CCDC9: variants seen among roughly 807,000 people sequenced by gnomAD.
CCDC9 encodes coiled-coil domain containing 9.
In CCDC9, 52 loss-of-function variants were observed where a neutral mutation model predicts 65.6. The ratio of observed to expected loss-of-function variants is 0.79; its 90% CI spans 0.63 to 1.00. CCDC9 has a LOEUF of 1.00. Among genes scored for constraint, CCDC9 ranks in the 50% least tolerant of loss-of-function variants. CCDC9 has a pLI of 0.00. For synonymous variants in CCDC9, 332 were observed against 280.3 expected, an observed-to-expected ratio of 1.18 and a Z score of -1.84; for missense variants, 834 against 757.2, an observed-to-expected ratio of 1.10 and a Z score of -1.19.
At chr19:47,273,501 C>T, downstream of CCDC9, 9 of 578,282 alleles carry the variant, frequency 1.6e-5, no homozygotes, top group Non-Finnish European at 2.0e-5. Flanking sequence ...CTGCACTAAC[C>T]TCCCACCGCC....
At chr19:47,272,212 T>TGGGGCTGA (rs2059128514), downstream of CCDC9, 1 of 1,168,092 alleles carries the variant, frequency 8.6e-7, no homozygotes. Flanking sequence ...CCTCTTTCTC[T>TGGGGCTGA]GGGGCTGAGG....
intron 7 of CCDC9, 147 bp downstream of exon 7, chr19:47,265,093 T>G: frequency 1.6e-6 from 1 of 637,516 alleles, no homozygotes; most frequent in Non-Finnish European, 2.3e-6. Flanking sequence ...ATTCTCGCTC[T>G]GTCACCCATT....
At chr19:47,273,282 G>GGGGGAGGGGTGCT, downstream of CCDC9, 1 of 908,314 alleles carries the variant, frequency 1.1e-6, no homozygotes, top group Non-Finnish European at 1.4e-6. Context: ...GTGGCTAGAC[G>GGGGGAGGGGTGCT]GGGGAGGGGT....
At chr19:47,259,604 G>A (rs2059031966) in intron 3 of CCDC9, among the ~76,000 whole-genome samples, 1 of 152,112 alleles carries the variant, frequency 6.6e-6, no homozygotes, top group African/African-American at 2.4e-5. Context: ...GATGGGATCT[G>A]GGAGGTGGCA....
rs763256073 is a variant in CCDC9, at chr19:47,260,658, G to A, written c.281G>A (p.Arg94Gln). 20 of 1,529,256 alleles carry A rather than the reference G, an allele frequency of 1.3e-5. No individual in the cohort carries two copies. Among genetic ancestry groups the A allele is most frequent in the East Asian group, 6.8e-5 (3 of 44,336 alleles). The allele number at this position is 1,529,256 out of a possible 1,614,324, so 94.7% of individuals were successfully genotyped here. A position where few individuals can be genotyped will look rare whatever the true frequency, so the allele number is the denominator to read the frequency against. The change falls in exon 5 of 12, where the codon CGG (arginine) becomes CAG (glutamine). Residue 94 changes from arginine to glutamine, a missense_variant. Arg to Gln is a conservative substitution (Grantham distance 43). Transcript: ENST00000221922. ...PRPPGASKGG[R>Q]TPPQQGGRAG... ...CCCCCAGGGGCCAGCAAGGGGGGCC[G>A]GACTCCTCCACAGCAGGGAGGCCGG...
At chr19:47,258,198 G>T in intron 1 of CCDC9, 132 bp from the exon 2 acceptor site, 1 of 608,694 alleles carries the variant, frequency 1.6e-6, no homozygotes, top group Non-Finnish European at 2.9e-6. Context: ...TGAAAGGAGG[G>T]AGAGTGAGGG....
intron 5 of CCDC9, among the ~76,000 whole-genome samples, chr19:47,263,081 C>G (rs2059056299): frequency 6.7e-6 from 1 of 149,728 alleles, no homozygotes; most frequent in African/African-American, 2.5e-5. Flanking sequence ...GCCTGGGCAA[C>G]AGAGTAAGAC....
At chr19:47,258,931 C>G (rs1242666602) in intron 3 of CCDC9, among the ~76,000 whole-genome samples, 1 of 152,212 alleles carries the variant, frequency 6.6e-6, no homozygotes, top group Non-Finnish European at 1.5e-5. Flanking sequence ...CCTGCCCCCT[C>G]CAGGGTCCAC....
chr19:47,271,800 C>G lies in CCDC9; in HGVS notation c.*122C>G. On this transcript the variant is annotated 3_prime_UTR_variant, in exon 12 of 12. Coordinates refer to ENST00000221922, the MANE Select transcript of CCDC9 (RefSeq NM_015603.3). Reference sequence around the variant, plus strand: ...TGGTGGGGGACCCTTGGGGCTGGGCCCTGGGACCCAGTGTGCCCCACAGCC... The same window carrying G: ...TGGTGGGGGACCCTTGGGGCTGGGCGCTGGGACCCAGTGTGCCCCACAGCC... 5 of 1,451,512 alleles carry G rather than the reference C, an allele frequency of 3.4e-6. No homozygotes were observed. The highest frequency in any genetic ancestry group is 1.4e-5 in the African/African-American group (1 of 70,372). 89.9% of individuals were successfully genotyped at this position (1,451,512 alleles called of 1,614,324 possible). A position where few individuals can be genotyped will look rare whatever the true frequency, so the allele number is the denominator to read the frequency against.
chr19:47,271,181 C>G lies in CCDC9; in HGVS notation c.1185C>G (p.Pro395=). 6.2e-7 allele frequency: 1 copy of G among 1,602,312 alleles called. No individual in the cohort carries two copies. Among genetic ancestry groups the G allele is most frequent in the Non-Finnish European group, 8.5e-7 (1 of 1,175,158 alleles). The part of the protein sequence containing the change: ...TSPETSPKET[P]MQPPEIPAPA... The stretch of plus-strand genomic sequence containing the variant: ...CCGAGACTTCCCCCAAGGAGACACC[C>G]ATGCAGGTGAGGCTGGGCTGTGGTT... Residue 395 remains proline (P), a synonymous_variant, in exon 11 of 12, where the codon CCC becomes CCG. Transcript: ENST00000221922.
chr19:47,274,802 C>T (rs1307771389), downstream of CCDC9: 7 of 619,866 alleles, frequency 1.1e-5, no homozygotes, highest in African/African-American at 3.0e-4. Context: ...ACCATGCTGG[C>T]GGGGGCGGGG....
At position 47,264,585 on chromosome 19, in the gene CCDC9, C is replaced by T. The variant is rs1347914242; in HGVS notation, c.463-18C>T. 6.3e-7 allele frequency: 1 copy of T among 1,576,286 alleles called. No homozygotes were observed. Among genetic ancestry groups the T allele is most frequent in the African/African-American group, 1.3e-5 (1 of 74,160 alleles). ...TAGTTCTCCCTGAAGCTGGGTGTCCCTATCTTTATCCCCCCAGGAGTGGGA... is the reference window on the plus strand; with the variant it reads ...TAGTTCTCCCTGAAGCTGGGTGTCCTTATCTTTATCCCCCCAGGAGTGGGA... On this transcript the variant is annotated intron_variant, in intron 5 of 11. Transcript: ENST00000221922.
chr19:47,259,397 G>A (rs1264632591), intron 3 of CCDC9, among the ~76,000 whole-genome samples: 1 of 152,120 alleles, frequency 6.6e-6, no homozygotes, highest in Non-Finnish European at 1.5e-5. Flanking sequence ...CTGTGCGGTG[G>A]TGGGTGCGAG....
chr19:47,261,556 T>A (rs977689428), intron 5 of CCDC9, among the ~76,000 whole-genome samples: 4 of 151,584 alleles, frequency 2.6e-5, no homozygotes, highest in African/African-American at 7.3e-5. Context: ...ATAAGAAAAT[T>A]CAAAAATTAG....
chr19:47,270,432 C>T lies in CCDC9; in HGVS notation c.928C>T (p.His310Tyr), dbSNP rs567723154. The T allele has an allele frequency of 5.0e-6, 8 of 1,614,204 alleles. No individual in the cohort carries two copies. In the South Asian group the frequency reaches 6.6e-5, roughly 13 times the overall value. ...GTTCAAGGATGGCCCAGTCCCTGCC[C>T]ATGAACCATCCCACCGCTATGGTGA... Reference protein sequence around the residue: ...GMFKDGPVPAHEPSHRYDDQA... With the variant: ...GMFKDGPVPAYEPSHRYDDQA... The change falls in exon 9 of 12, where the codon CAT becomes TAT. Residue 310 changes from histidine to tyrosine, a missense_variant. Coordinates refer to ENST00000221922, the MANE Select transcript of CCDC9 (RefSeq NM_015603.3).
rs1227212326 is a variant in CCDC9, at chr19:47,271,759, GCT to G, written c.*82_*83del. 1 of 1,386,974 alleles carries G rather than the reference GCT, an allele frequency of 7.2e-7. No individual in the cohort carries two copies. Among genetic ancestry groups the G allele is most frequent in the Non-Finnish European group, 9.4e-7 (1 of 1,061,114 alleles). 85.9% of individuals were successfully genotyped at this position (1,386,974 alleles called of 1,614,324 possible). A position where few individuals can be genotyped will look rare whatever the true frequency, so the allele number is the denominator to read the frequency against. On this transcript the variant is annotated 3_prime_UTR_variant, in exon 12 of 12. Coordinates refer to ENST00000221922, the MANE Select transcript of CCDC9 (RefSeq NM_015603.3). Reference sequence around the variant, plus strand: ...CGCGCGCGCGCGCGCGCGCGCGCGCGCTAGAGGGGTGTGGCTGGTGGGGGACC... The same window carrying G: ...CGCGCGCGCGCGCGCGCGCGCGCGCGAGAGGGGTGTGGCTGGTGGGGGACC...
chr19:47,271,902 C>T lies in CCDC9; in HGVS notation c.*224C>T. 3.0e-6 allele frequency: 4 copies of T among 1,312,336 alleles called. No homozygotes were observed. The highest frequency in any genetic ancestry group is 3.9e-6 in the Non-Finnish European group (4 of 1,033,200). The allele number at this position is 1,312,336 out of a possible 1,614,324, so 81.3% of individuals were successfully genotyped here. On this transcript the variant is annotated 3_prime_UTR_variant, in exon 12 of 12. Transcript: ENST00000221922. Reference sequence around the variant, plus strand: ...GTCTCTGGAATGTCCACTCCCAGAGCCTGCCCCAGCCCTTCGAGCCCCCTC... The same window carrying T: ...GTCTCTGGAATGTCCACTCCCAGAGTCTGCCCCAGCCCTTCGAGCCCCCTC...
At chr19:47,268,587 T>G (rs748334868) in intron 8 of CCDC9, among the ~76,000 whole-genome samples, 3 of 152,162 alleles carry the variant, frequency 2.0e-5, no homozygotes, top group Non-Finnish European at 4.4e-5. Context: ...GTTTTTCTTA[T>G]GTGTCCTAAA....
At chr19:47,257,437 A>C (rs1020901004) in intron 1 of CCDC9, 4 of 146,732 alleles carry the variant, frequency 2.7e-5, no homozygotes, top group Non-Finnish European at 4.5e-5. Context: ...CGGGGCCAGA[A>C]GTCTGGCGGG....
Sources: gnomAD v4.1 joint callset for allele counts (sites outside exome capture counted in the v4.1 genomes callset) on GRCh38, gnomAD v4.1.1 for gene constraint, MANE v1.5 for transcripts, NCBI Gene and HGNC (gene_info 2026-07-23, HGNC 2026-07-21) for gene names.